The following ADH7 variants were observed in gnomAD, a reference collection of about 807,000 sequenced individuals.
ADH7 encodes alcohol dehydrogenase 7 (class IV), mu or sigma polypeptide.
Under a neutral mutation model 34.4 loss-of-function variants are expected in ADH7, and 41 were observed. The ratio of observed to expected loss-of-function variants is 1.19; its 90% CI spans 0.93 to 1.55. The LOEUF is 1.55. Among genes scored for constraint, ADH7 ranks in the 40% most tolerant of loss-of-function variants. The pLI, the probability that ADH7 is intolerant of heterozygous loss-of-function variation, is 0.00. For missense variants in ADH7, 540 were observed against 461.2 expected (o/e 1.17, Z -1.56); for synonymous variants, 180 against 160.9 (o/e 1.12, Z -0.90).
In ADH7 at chr4:99,427,945, G is replaced by A; in HGVS notation, c.392C>T (p.Thr131Ile). The part of the protein sequence containing the change: ...GVLADGTTRF[T>I]CKGKPVHHFM... ...GTGGTGGACTGGTTTGCCCTTGCAT[G>A]TAAATCTGGTGGTGCCATCAGCCAG... is the stretch of plus-strand genomic sequence containing the variant. The change falls in exon 5 of 9, where the codon ACA (threonine) becomes ATA (isoleucine). Residue 131 changes from threonine (T) to isoleucine (I), a missense_variant. Coordinates refer to ENST00000437033, the MANE Select transcript of ADH7 (RefSeq NM_000673.7). 3.7e-6 allele frequency: 6 copies of A among 1,614,016 alleles called. No homozygotes were observed. Among genetic ancestry groups the A allele is most frequent in the Non-Finnish European group, 5.1e-6 (6 of 1,179,930 alleles).
At chr4:99,427,643 G>T (rs1013116226) in intron 5 of ADH7, 130 bp downstream of exon 5, 5 of 571,152 alleles carry the variant, frequency 8.8e-6, no homozygotes, top group Admixed American at 4.1e-5. Context: ...GCATTGTGTT[G>T]CTTGGCAGCC....
intron 7 of ADH7, among the ~76,000 whole-genome samples, chr4:99,416,910 G>A (rs1470198128): frequency 6.6e-6 from 1 of 152,086 alleles, no homozygotes; most frequent in Non-Finnish European, 1.5e-5. Flanking sequence ...CTCAATAAAT[G>A]ATGATGGTGA....
At chr4:99,423,383 G>A (rs1192961319) in intron 5 of ADH7, among the ~76,000 whole-genome samples, 2 of 151,460 alleles carry the variant, frequency 1.3e-5, no homozygotes, top group East Asian at 1.9e-4. Context: ...AGTCCTTTGG[G>A]TATATACCCA....
chr4:99,421,169 C>A (rs555603281), intron 5 of ADH7, among the ~76,000 whole-genome samples: 61 of 152,206 alleles, frequency 4.0e-4, no homozygotes, highest in African/African-American at 1.0e-3. Context: ...TCATCTAGAA[C>A]CAAAAAAGAG....
At chr4:99,434,386 T>A (rs1289736151) in intron 1 of ADH7, among the ~76,000 whole-genome samples, 2 of 152,162 alleles carry the variant, frequency 1.3e-5, no homozygotes, top group East Asian at 3.9e-4. Context: ...TATTTCAAAT[T>A]CTAACATCAT....
chr4:99,424,909 T>C (rs2110137553), intron 5 of ADH7, among the ~76,000 whole-genome samples: 1 of 152,236 alleles, frequency 6.6e-6, no homozygotes, highest in Non-Finnish European at 1.5e-5. Context: ...CTTCCAACAC[T>C]ATGTTGAATA....
At chr4:99,415,660 T>A (rs749844008) in intron 7 of ADH7, 44 bp from the exon 8 acceptor site, 14 of 1,572,348 alleles carry the variant, frequency 8.9e-6, no homozygotes, top group Non-Finnish European at 1.2e-5. Flanking sequence ...TACTAAATAA[T>A]CCTTATCTTT....
At position 99,429,533 on chromosome 4, in the gene ADH7, T is replaced by G. The variant is rs773621774; in HGVS notation, c.119A>C (p.Lys40Thr). Residue 40 changes from lysine to threonine, a missense_variant and splice_region_variant, in exon 2 of 9, where the codon AAG (lysine) becomes ACG (threonine). Physicochemically the swap from Lys to Thr is moderately conservative, Grantham distance 78. Coordinates refer to ENST00000437033, the MANE Select transcript of ADH7 (RefSeq NM_000673.7). ...AAGTTCTCTAGGGCTCACGCTTACCTTAATGCGAACTTCTTTAGTCTTTGG... is the reference window on the plus strand; with the variant it reads ...AAGTTCTCTAGGGCTCACGCTTACCGTAATGCGAACTTCTTTAGTCTTTGG... ...APPKTKEVRI[K>T]ILATGICRTD... is the part of the protein sequence containing the mutation. The G allele has an allele frequency of 1.2e-5, 20 of 1,609,314 alleles. No homozygotes were observed. The highest frequency in any genetic ancestry group is 3.4e-5 in the Admixed American group (2 of 59,646).
intron 6 of ADH7, 23 bp from the exon 7 acceptor site, chr4:99,419,144 C>G (rs999157109): frequency 6.2e-7 from 1 of 1,608,076 alleles, no homozygotes; most frequent in Non-Finnish European, 8.5e-7. Context: ...CGGAGGAGAT[C>G]GTTTGCTTCC....
At chr4:99,414,428 A>G (rs1181717360) in intron 8 of ADH7, among the ~76,000 whole-genome samples, 4 of 152,194 alleles carry the variant, frequency 2.6e-5, no homozygotes, top group Admixed American at 2.0e-4. Flanking sequence ...TATAGGCCCA[A>G]TGAGTGAAAG....
chr4:99,421,988 A>G (rs1721676823), intron 5 of ADH7, among the ~76,000 whole-genome samples: 2 of 152,254 alleles, frequency 1.3e-5, no homozygotes, highest in African/African-American at 2.4e-5. Context: ...CGATTATTAA[A>G]AAGTCAGGAA....
chr4:99,426,237 C>CA (rs372231464), intron 5 of ADH7, among the ~76,000 whole-genome samples: 2 of 151,860 alleles, frequency 1.3e-5, no homozygotes, highest in Admixed American at 6.6e-5. Context: ...AATAGAGACA[C>CA]AAAAAACCCT....
chr4:99,419,051 T>C lies in ADH7; in HGVS notation c.896A>G (p.Lys299Arg). 1 of 1,613,888 alleles carries C rather than the reference T, an allele frequency of 6.2e-7. No individual in the cohort carries two copies. Among genetic ancestry groups the C allele is most frequent in the Non-Finnish European group, 8.5e-7 (1 of 1,179,878 alleles). The change falls in exon 7 of 9, where the codon AAG becomes AGG. Residue 299 changes from lysine to arginine, a missense_variant. Physicochemically the swap from Lys to Arg is conservative, Grantham distance 26 (BLOSUM62 2). Coordinates refer to ENST00000437033, the MANE Select transcript of ADH7 (RefSeq NM_000673.7). ...SVVVGVPPSA[K>R]MLTYDPMLLF... ...CAACATCGGGTCATAGGTGAGCATC[T>C]TGGCTGATGGAGGAACTCCTACAAC...
In ADH7 at chr4:99,427,793, C is replaced by A. The variant is rs373728468; in HGVS notation, c.544G>T (p.Ala182Ser). The A allele has an allele frequency of 6.4e-7, 1 of 1,566,644 alleles. No homozygotes were observed. The highest frequency in any genetic ancestry group is 8.7e-7 in the Non-Finnish European group (1 of 1,154,892). Residue 182 changes from alanine to serine, a missense_variant, in exon 5 of 9, where the codon GCT (alanine) becomes TCT (serine). By Grantham distance (99) the Ala-to-Ser change is moderately conservative (BLOSUM62 1). Coordinates refer to ENST00000437033, the MANE Select transcript of ADH7 (RefSeq NM_000673.7). Reference sequence around the variant, plus strand: ...CTTACCTTGCCAGTTTTAACAGCAGCGCCATATCCAGTGGAAAACCCACAG... The same window carrying A: ...CTTACCTTGCCAGTTTTAACAGCAGAGCCATATCCAGTGGAAAACCCACAG... ...IGCGFSTGYG[A>S]AVKTGKVKPG...
intron 7 of ADH7, 43 bp downstream of exon 7, chr4:99,418,943 G>A: frequency 6.2e-7 from 1 of 1,606,886 alleles, no homozygotes; most frequent in Non-Finnish European, 8.5e-7. Flanking sequence ...AAGCACCAGA[G>A]TGAAAGCCAT....
At chr4:99,424,773 G>A (rs1204796064) in intron 5 of ADH7, among the ~76,000 whole-genome samples, 1 of 152,030 alleles carries the variant, frequency 6.6e-6, no homozygotes, top group East Asian at 1.9e-4. Flanking sequence ...AGGAGATTTT[G>A]GGCTGAGACA....
At chr4:99,420,835 C>T (rs78398611) in intron 5 of ADH7, 42 bp from the exon 6 acceptor site, 7 of 1,587,910 alleles carry the variant, frequency 4.4e-6, no homozygotes, top group Non-Finnish European at 6.0e-6. Flanking sequence ...GTGTTAGGGT[C>T]AAAAAGTGAA....
Position 99,435,243 on chromosome 4 carries a change from G to T in ADH7, c.-10C>A, listed in dbSNP as rs563882355. ...TTCCAGCAGTGCCCATCCTGTCTTT[G>T]TCTTGGATCTGTATTTCTGCAAACA... On this transcript the variant is annotated 5_prime_UTR_variant, in exon 1 of 9. Coordinates refer to ENST00000437033, the MANE Select transcript of ADH7 (RefSeq NM_000673.7). 1.2e-6 allele frequency: 2 copies of T among 1,613,428 alleles called. No homozygotes were observed. The highest frequency in any genetic ancestry group is 2.7e-5 in the African/African-American group (2 of 75,026).
Position 99,427,889 on chromosome 4 carries a change from T to C in ADH7, c.448A>G (p.Thr150Ala), listed in dbSNP as rs535053731. The change falls in exon 5 of 9, where the codon ACA (threonine) becomes GCA (alanine). Residue 150 changes from threonine to alanine, a missense_variant. Transcript: ENST00000437033. ...GCAACAGAAGATTCATCCACCACTGTGTACTCGGTAAATGTACTGGTGTTC... is the reference window on the plus strand; with the variant it reads ...GCAACAGAAGATTCATCCACCACTGCGTACTCGGTAAATGTACTGGTGTTC... ...FMNTSTFTEY[T>A]VVDESSVAKI... The C allele has an allele frequency of 1.9e-6, 3 of 1,613,982 alleles. No individual in the cohort carries two copies. The highest frequency in any genetic ancestry group is 1.1e-5 in the South Asian group (1 of 91,066).
Sources: gnomAD v4.1 joint callset for allele counts (sites outside exome capture counted in the v4.1 genomes callset) on GRCh38, gnomAD v4.1.1 for gene constraint, MANE v1.5 for transcripts, NCBI Gene and HGNC (gene_info 2026-07-23, HGNC 2026-07-21) for gene names.